SEC14L1: variants seen among roughly 807,000 people sequenced by gnomAD.
SEC14L1 encodes SEC14-like protein 1.
Under a neutral mutation model 85.3 loss-of-function variants are expected in SEC14L1, and 48 were observed. That is an observed-to-expected ratio of 0.56 (90% CI 0.45 to 0.72). The LOEUF (loss-of-function observed/expected upper bound fraction) is 0.72, where lower values mean the gene tolerates loss of function less well. Among genes scored for constraint, SEC14L1 ranks in the 30% least tolerant of loss-of-function variants. The probability of loss-of-function intolerance (pLI) is 0.00; values close to 1 mark genes in which losing one functional copy is unlikely to be tolerated. For missense variants in SEC14L1, 682 were observed against 921.4 expected (o/e 0.74, Z 3.36); for synonymous variants, 391 against 355.5 (o/e 1.10, Z -1.12).
intron 3 of SEC14L1, among the ~76,000 whole-genome samples, chr17:77,151,942 A>G (rs1175109246): frequency 3.3e-5 from 5 of 152,202 alleles, no homozygotes; most frequent in Admixed American, 6.5e-5. Flanking sequence ...TTTGTTGACA[A>G]ATACTTCAGT....
chr17:77,189,626 G>A (rs992080474), intron 3 of SEC14L1, among the ~76,000 whole-genome samples: 1 of 151,904 alleles, frequency 6.6e-6, no homozygotes, highest in Non-Finnish European at 1.5e-5. Flanking sequence ...TCTTAACAGG[G>A]GTTTTGTTTT....
chr17:77,167,927 C>A (rs1233889159), intron 3 of SEC14L1, among the ~76,000 whole-genome samples: 2 of 152,240 alleles, frequency 1.3e-5, no homozygotes, highest in African/African-American at 2.4e-5. Flanking sequence ...CTGCCTGTTA[C>A]AACCGCAAGA....
intron 3 of SEC14L1, among the ~76,000 whole-genome samples, chr17:77,151,521 G>A (rs1415073417): frequency 6.6e-6 from 1 of 152,116 alleles, no homozygotes; most frequent in Non-Finnish European, 1.5e-5. Context: ...CAGTTGTGGT[G>A]CAGTAGGAAA....
At chr17:77,108,304 C>T (rs78914696) in intron 3 of SEC14L1, among the ~76,000 whole-genome samples, 20,143 of 152,194 alleles carry the variant, frequency 0.13, 1,811 homozygotes, top group Non-Finnish European at 0.2. Context: ...CAGTTCTGTC[C>T]GGCAGGAAGC....
chr17:77,183,528 C>A (rs1758937883), intron 3 of SEC14L1, among the ~76,000 whole-genome samples: 1 of 152,176 alleles, frequency 6.6e-6, no homozygotes, highest in African/African-American at 2.4e-5. Context: ...ACTTGGGAGG[C>A]TGAAGTGGGA....
rs1169954219 is a variant in SEC14L1 at position 77,154,648 on chromosome 17, G to GTTTTT, written c.63+10994_63+10998dup. ...TTCTGGTTTTTTTTGTTTTTTTTTGGTTTTTTTTTAAGAAAAGTCTGTCTC... is the reference window on the plus strand; with the variant it reads ...TTCTGGTTTTTTTTGTTTTTTTTTGGTTTTTTTTTTTTTTAAGAAAAGTCTGTCTC... On this transcript the variant is annotated intron_variant, in intron 3 of 16. Transcript: ENST00000436233. Among the ~76,000 whole-genome samples, 163 of 81,832 alleles carry GTTTTT rather than the reference G, an allele frequency of 2.0e-3. 1 individual carries two copies. The highest frequency in any genetic ancestry group is 7.6e-3 in the Middle Eastern group (1 of 132). 53.7% of individuals were successfully genotyped at this position (81,832 alleles called of 152,430 possible).
At chr17:77,171,795 G>A (rs181416265) in intron 3 of SEC14L1, among the ~76,000 whole-genome samples, 60 of 152,252 alleles carry the variant, frequency 3.9e-4, no homozygotes, top group Admixed American at 1.5e-3. Context: ...GGATATCTCC[G>A]TTTACTACTG....
At chr17:77,097,831 A>G (rs1403490440) in intron 3 of SEC14L1, among the ~76,000 whole-genome samples, 1 of 152,208 alleles carries the variant, frequency 6.6e-6, no homozygotes, top group African/African-American at 2.4e-5. Context: ...GGAGACTGGA[A>G]ACAGGTCATT....
chr17:77,097,870 A>T (rs2143298946), intron 3 of SEC14L1, among the ~76,000 whole-genome samples: 1 of 152,316 alleles, frequency 6.6e-6, no homozygotes, highest in Non-Finnish European at 1.5e-5. Flanking sequence ...GATGAGTGCT[A>T]TGGAGAGAAA....
At chr17:77,108,125 A>T (rs1971960381) in intron 3 of SEC14L1, among the ~76,000 whole-genome samples, 1 of 151,188 alleles carries the variant, frequency 6.6e-6, no homozygotes, top group South Asian at 2.1e-4. Context: ...ACGGACTTAG[A>T]TTCTCCCCAT....
rs780299385 is a variant in SEC14L1, at chr17:77,206,376, G to A, written c.1317G>A (p.Arg439=). 1.9e-6 allele frequency: 3 copies of A among 1,614,010 alleles called. No individual in the cohort carries two copies. The highest frequency in any genetic ancestry group is 2.5e-6 in the Non-Finnish European group (3 of 1,179,980). The change falls in exon 12 of 17, where the codon AGG becomes AGA. Residue 439 remains arginine (R), a synonymous_variant. Transcript: ENST00000436233. This position sits in a 1 kb window ranked among gnomAD's most constrained non-coding sequence, Gnocchi z 4.3. ...LGRLLILRAP[R]VFPVLWTLVS... ...GCCTTCTCATCCTGCGGGCGCCCAG[G>A]GTATTTCCTGTGCTCTGGACGCTGG...
chr17:77,144,018 A>G (rs1326561338), intron 3 of SEC14L1, among the ~76,000 whole-genome samples: 1 of 152,150 alleles, frequency 6.6e-6, no homozygotes, highest in Non-Finnish European at 1.5e-5. Flanking sequence ...CTCGTGTGGA[A>G]GAGTGCTCTG....
chr17:77,194,698 T>C lies in SEC14L1; in HGVS notation c.496T>C (p.Tyr166His), dbSNP rs763456421. ...AAAGGGAAAGGAAATCATCGAATAC[T>C]ACCTTCGCCAATTAGAAGAAGAAGG... is the stretch of plus-strand genomic sequence containing the variant. ...IKKGKEIIEY[Y>H]LRQLEEEGIT... The change falls in exon 7 of 17, where the codon TAC (tyrosine) becomes CAC (histidine). Residue 166 changes from tyrosine to histidine, a missense_variant. Around this residue, in one of 3 missense-constraint regions of SEC14L1, gnomAD observed 123 missense variants for 100.6 expected, o/e 1.22. Coordinates refer to ENST00000436233, the MANE Select transcript of SEC14L1 (RefSeq NM_001143998.2). The C allele has an allele frequency of 2.5e-6, 4 of 1,614,138 alleles. No individual in the cohort carries two copies. In the South Asian group the frequency reaches 4.4e-5, roughly 18 times the overall value.
At chr17:77,091,811 GA>G (rs1330719810) in intron 2 of SEC14L1, among the ~76,000 whole-genome samples, 2 of 151,522 alleles carry the variant, frequency 1.3e-5, no homozygotes, top group Non-Finnish European at 2.9e-5. Context: ...AACAGTTTAT[GA>G]AATTTTTTTT....
intron 3 of SEC14L1, among the ~76,000 whole-genome samples, chr17:77,127,013 TA>T (rs1424296062): frequency 6.6e-6 from 1 of 151,936 alleles, no homozygotes; most frequent in Non-Finnish European, 1.5e-5. Flanking sequence ...TTTTTCTCTT[TA>T]TTTCTTCTTT....
chr17:77,193,385 A>T, intron 5 of SEC14L1, 36 bp from the exon 6 acceptor site: 1 of 1,558,716 alleles, frequency 6.4e-7, no homozygotes, highest in Non-Finnish European at 8.7e-7. Flanking sequence ...TCTGTTGTCA[A>T]TTCAGTCAGT....
At position 77,216,383 on chromosome 17, in the gene SEC14L1, A is replaced by G. The variant is rs878973350; in HGVS notation, c.*2360A>G. ...GTAGGTAGGGCTAGTAGGTAGGGCT[A>G]GTAGGTAGGGCTAGTAGGTAGGGTT... On this transcript the variant is annotated 3_prime_UTR_variant, in exon 17 of 17. Transcript: ENST00000436233. The G allele has an allele frequency of 3.0e-6, 4 of 1,328,024 alleles. No homozygotes were observed. The East Asian group carries it at 1.1e-4, about 38-fold the overall frequency. The allele number at this position is 1,328,024 out of a possible 1,614,324, so 82.3% of individuals were successfully genotyped here.
At chr17:77,194,212 T>G (rs1251715547) in intron 6 of SEC14L1, among the ~76,000 whole-genome samples, 1 of 152,204 alleles carries the variant, frequency 6.6e-6, no homozygotes, top group East Asian at 1.9e-4. Flanking sequence ...TTTGGCCTTT[T>G]CTTTTTTTCT....
rs1394742097 is a variant in SEC14L1, at chr17:77,213,578, A to G, written c.2042+86A>G. 1 of 1,510,978 alleles carries G rather than the reference A, an allele frequency of 6.6e-7. No individual in the cohort carries two copies. Among genetic ancestry groups the G allele is most frequent in the Non-Finnish European group, 9.0e-7 (1 of 1,106,082 alleles). 93.6% of individuals were successfully genotyped at this position (1,510,978 alleles called of 1,614,324 possible). A position where few individuals can be genotyped will look rare whatever the true frequency, so the allele number is the denominator to read the frequency against. On this transcript the variant is annotated intron_variant, in intron 16 of 16. Coordinates refer to ENST00000436233, the MANE Select transcript of SEC14L1 (RefSeq NM_001143998.2). The surrounding 1 kb of genome is among the most constrained non-coding windows in gnomAD (Gnocchi z 7.1). ...GCAGTCCCACGCCGTGTGCAGGATC[A>G]GCAGTGGCGGCGGGTGTCAGGAATG...
Sources: gnomAD v4.1 joint callset for allele counts (sites outside exome capture counted in the v4.1 genomes callset) on GRCh38, gnomAD v4.1.1 for gene constraint, gnomAD v4.1.1 regional missense constraint, Gnocchi (gnomAD v3.1) non-coding constraint, MANE v1.5 for transcripts, NCBI Gene and HGNC (gene_info 2026-07-23, HGNC 2026-07-21) for gene names.